Variants in LPP observed in about 807,000 individuals in gnomAD.
The protein encoded by LPP is lipoma-preferred partner.
A neutral mutation model predicts 60.4 loss-of-function variants in LPP; 38 were observed. That is an observed-to-expected ratio of 0.63 (90% CI 0.49 to 0.83). The LOEUF (loss-of-function observed/expected upper bound fraction) is 0.83. Among genes scored for constraint, LPP ranks in the 40% least tolerant of loss-of-function variants. The probability of loss-of-function intolerance (pLI) is 0.00; values close to 1 mark genes in which losing one functional copy is unlikely to be tolerated. For synonymous variants in LPP, 328 were observed against 290.8 expected (o/e 1.13, Z -1.30); for missense variants, 902 against 783.6 (o/e 1.15, Z -1.80).
At chr3:188,722,011 G>A (rs1716605547) in intron 8 of LPP, among the ~76,000 whole-genome samples, 1 of 152,164 alleles carries the variant, frequency 6.6e-6, no homozygotes, top group African/African-American at 2.4e-5. Flanking sequence ...AAGAAAAGCA[G>A]CTGCCCCATA....
intron 2 of LPP, among the ~76,000 whole-genome samples, chr3:188,243,938 C>T (rs1040792039): frequency 3.3e-5 from 5 of 152,074 alleles, no homozygotes; most frequent in African/African-American, 4.8e-5. Context: ...AGTAGAGGCA[C>T]AATCTCTGCT....
At chr3:188,834,729 A>G (rs1757978614) in intron 9 of LPP, among the ~76,000 whole-genome samples, 1 of 152,190 alleles carries the variant, frequency 6.6e-6, no homozygotes, top group South Asian at 2.1e-4. Flanking sequence ...AAATGAATTA[A>G]TGTTCTTAGG....
intron 3 of LPP, 106 bp from the exon 4 acceptor site, chr3:188,406,006 T>G: frequency 1.1e-6 from 1 of 906,290 alleles, no homozygotes; most frequent in Non-Finnish European, 1.6e-6. Flanking sequence ...CCAGAGAACT[T>G]TATCAGGATG....
chr3:188,444,399 A>G (rs1157888820), intron 4 of LPP, among the ~76,000 whole-genome samples: 1 of 152,162 alleles, frequency 6.6e-6, no homozygotes, highest in Non-Finnish European at 1.5e-5. Context: ...CTTGAAAGAA[A>G]AAGTTATGCC....
intron 4 of LPP, among the ~76,000 whole-genome samples, chr3:188,434,386 C>A (rs1381992739): frequency 2.0e-5 from 3 of 151,942 alleles, no homozygotes; most frequent in South Asian, 2.1e-4. Flanking sequence ...TACAAAAATT[C>A]TTTTGGATAC....
intron 2 of LPP, among the ~76,000 whole-genome samples, chr3:188,277,202 C>G: frequency 6.6e-6 from 1 of 152,122 alleles, no homozygotes; most frequent in East Asian, 1.9e-4. Flanking sequence ...CCTCACCTGG[C>G]CAACCTCTTT....
intron 5 of LPP, among the ~76,000 whole-genome samples, chr3:188,485,211 C>T (rs1429927294): frequency 6.6e-6 from 1 of 152,110 alleles, no homozygotes; most frequent in Non-Finnish European, 1.5e-5. Flanking sequence ...CAAGGGTGCA[C>T]ATCATACTTA....
intron 9 of LPP, among the ~76,000 whole-genome samples, chr3:188,845,169 A>G (rs990792603): frequency 6.6e-6 from 1 of 152,234 alleles, no homozygotes; most frequent in African/African-American, 2.4e-5. Context: ...CATATTTTAA[A>G]GCCCTGGTTC....
At chr3:188,294,292 A>G (rs538563398) in intron 2 of LPP, among the ~76,000 whole-genome samples, 1 of 152,266 alleles carries the variant, frequency 6.6e-6, no homozygotes. Context: ...AACACTGTGA[A>G]ATACTAAAAA....
intron 9 of LPP, among the ~76,000 whole-genome samples, chr3:188,837,373 C>T (rs976724965): frequency 5.2e-5 from 6 of 114,834 alleles, no homozygotes; most frequent in Non-Finnish European, 1.1e-4. Context: ...AATGAGACTC[C>T]ATCTCAAACA....
chr3:188,318,980 G>A (rs1375831556), intron 2 of LPP, among the ~76,000 whole-genome samples: 2 of 151,572 alleles, frequency 1.3e-5, no homozygotes, highest in Non-Finnish European at 2.9e-5. Context: ...GGATGGTCTC[G>A]ATCTCCTGAC....
At chr3:188,203,420 A>ATTATATAAATATAAATATATATATATT (rs370853021) in intron 1 of LPP, among the ~76,000 whole-genome samples, 2 of 92,482 alleles carry the variant, frequency 2.2e-5, no homozygotes, top group South Asian at 6.6e-4. Flanking sequence ...ATATATATAT[A>ATTATATAAATATAAATATATATATATT]ATATAAATAT....
At chr3:188,617,801 G>T (rs1845137025) in intron 7 of LPP, among the ~76,000 whole-genome samples, 2 of 152,230 alleles carry the variant, frequency 1.3e-5, no homozygotes, top group South Asian at 4.2e-4. Flanking sequence ...AATTCTTTGT[G>T]TTTACAGAGT....
chr3:188,518,894 A>ATT (rs58622737), intron 5 of LPP, among the ~76,000 whole-genome samples: 2 of 151,272 alleles, frequency 1.3e-5, no homozygotes, highest in South Asian at 2.1e-4. Context: ...TAAGTTTCTG[A>ATT]TTTTTTTTTC....
chr3:188,544,579 G>A (rs929136963), intron 6 of LPP, among the ~76,000 whole-genome samples: 1 of 138,116 alleles, frequency 7.2e-6, no homozygotes, highest in Non-Finnish European at 1.5e-5. Context: ...AGTTAGAATG[G>A]CAATCATTAA....
At chr3:188,849,705 C>T (rs1371657086) in intron 9 of LPP, among the ~76,000 whole-genome samples, 1 of 151,872 alleles carries the variant, frequency 6.6e-6, no homozygotes, top group Non-Finnish European at 1.5e-5. Context: ...TTTGTTTTTT[C>T]CTCTCTAAAA....
intron 1 of LPP, among the ~76,000 whole-genome samples, chr3:188,210,072 T>TA (rs79183561): frequency 7.0e-4 from 96 of 137,662 alleles, no homozygotes; most frequent in Middle Eastern, 3.6e-3. Context: ...TCGAAAATAT[T>TA]AAAAAAAAAA....
intron 2 of LPP, among the ~76,000 whole-genome samples, chr3:188,302,210 A>G (rs930068379): frequency 6.6e-6 from 1 of 152,136 alleles, no homozygotes; most frequent in African/African-American, 2.4e-5. Flanking sequence ...TGTAATTTCT[A>G]TTATCCCAAT....
At chr3:188,846,549 T>G (rs1761451842) in intron 9 of LPP, among the ~76,000 whole-genome samples, 3 of 151,918 alleles carry the variant, frequency 2.0e-5, no homozygotes, top group African/African-American at 7.3e-5. Context: ...GCGGGCATGG[T>G]GGCGGGCACC....
Sources: allele counts gnomAD v4.1 joint callset (sites outside exome capture counted in the v4.1 genomes callset), GRCh38; gene constraint gnomAD v4.1.1; transcripts MANE v1.5; gene names NCBI Gene and HGNC (gene_info 2026-07-23, HGNC 2026-07-21).